The following USH2A variants were observed in gnomAD, a reference collection of about 807,000 sequenced individuals.
USH2A encodes usherin.
In USH2A, 443 loss-of-function variants were observed where a neutral mutation model predicts 538.9. That is an observed-to-expected ratio of 0.82 (90% CI 0.76 to 0.89). The LOEUF is 0.89. Among genes scored for constraint, USH2A ranks in the 40% least tolerant of loss-of-function variants. USH2A has a pLI of 0.00. For synonymous variants in USH2A, 2,413 were observed against 2,273.5 expected (o/e 1.06, Z -1.75); for missense variants, 6,633 against 6,324.8 (o/e 1.05, Z -1.65).
chr1:215,881,784 CTTCTT>C (rs1162327583), intron 41 of USH2A, among the ~76,000 whole-genome samples: 1 of 152,096 alleles, frequency 6.6e-6, no homozygotes, highest in African/African-American at 2.4e-5. Context: ...ATCACAATGA[CTTCTT>C]TTATTTGAGT....
Position 215,841,414 on chromosome 1 carries a change from C to T in USH2A, c.9258+2880G>A, listed in dbSNP as rs184724276. Among the ~76,000 whole-genome samples the T allele has an allele frequency of 2.1e-4, 32 of 152,124 alleles. No individual in the cohort carries two copies. In the East Asian group the frequency reaches 2.7e-3, roughly 13 times the overall value. On this transcript the variant is annotated intron_variant, in intron 46 of 71. Transcript: ENST00000307340. ...TGCACATTTACCACTATCTGATCTT[C>T]GACAAACCTGACAAAAACAAGCAGT...
At chr1:216,124,411 C>G (rs189421565) in intron 21 of USH2A, among the ~76,000 whole-genome samples, 137 of 151,318 alleles carry the variant, frequency 9.1e-4, no homozygotes, top group Middle Eastern at 3.4e-3. Context: ...AAGAGAATAA[C>G]TTTAAAGGAA....
intron 11 of USH2A, among the ~76,000 whole-genome samples, chr1:216,278,303 C>A (rs1015382356): frequency 3.3e-5 from 5 of 152,124 alleles, no homozygotes; most frequent in Admixed American, 6.6e-5. Context: ...ATCTCAGTTA[C>A]AACTCCATCT....
intron 21 of USH2A, among the ~76,000 whole-genome samples, chr1:216,150,998 G>A (rs949570988): frequency 5.9e-5 from 9 of 152,094 alleles, no homozygotes; most frequent in Non-Finnish European, 1.0e-4. Flanking sequence ...CACGTGCCCT[G>A]TATTTCACTC....
At position 215,782,723 on chromosome 1, in the gene USH2A, A is replaced by C. The variant is rs1661676735; in HGVS notation, c.10585+15T>G. 6.2e-7 allele frequency: 1 copy of C among 1,611,026 alleles called. No homozygotes were observed. Among genetic ancestry groups the C allele is most frequent in the Non-Finnish European group, 8.5e-7 (1 of 1,178,154 alleles). On this transcript the variant is annotated intron_variant, in intron 53 of 71. Coordinates refer to ENST00000307340, the MANE Select transcript of USH2A (RefSeq NM_206933.4). ...ATGGGATTTTGTTATTTGTATTTTA[A>C]AGGTATCTCAATACCATTTGATTGT...
intron 32 of USH2A, among the ~76,000 whole-genome samples, chr1:216,001,337 A>T (rs879391322): frequency 2.6e-5 from 4 of 152,146 alleles, no homozygotes; most frequent in Admixed American, 2.6e-4. Context: ...GAAACGAGCT[A>T]GGTCTGAAAG....
intron 55 of USH2A, among the ~76,000 whole-genome samples, chr1:215,778,062 T>G (rs1230348484): frequency 6.6e-6 from 1 of 151,842 alleles, no homozygotes; most frequent in East Asian, 1.9e-4. Flanking sequence ...TATCTTTTTT[T>G]TTTTTTTGAG....
In USH2A at chr1:216,247,202, A is replaced by T; in HGVS notation, c.2192T>A (p.Phe731Tyr). 3 of 1,613,996 alleles carry T rather than the reference A, an allele frequency of 1.9e-6. No homozygotes were observed. Among genetic ancestry groups the T allele is most frequent in the South Asian group, 1.1e-5 (1 of 91,078 alleles). The change falls in exon 13 of 72, where the codon TTT becomes TAT. Residue 731 changes from phenylalanine (F) to tyrosine (Y), a missense_variant. Phe to Tyr is a conservative substitution (Grantham distance 22, BLOSUM62 3). Transcript: ENST00000307340. ...VIGLRCDHCN[F>Y]GFKFLRSFND... is the part of the protein sequence containing the mutation. ...AAAGCTTCGGAGAAATTTAAATCCA[A>T]AATTGCAATGATCACACCTAAGCCC... is the stretch of plus-strand genomic sequence containing the variant.
chr1:216,046,743 G>A, intron 31 of USH2A, 151 bp from the exon 32 acceptor site: 1 of 904,030 alleles, frequency 1.1e-6, no homozygotes, highest in Non-Finnish European at 1.7e-6. Context: ...AATTGCTTTA[G>A]GAACAGTGTT....
intron 55 of USH2A, among the ~76,000 whole-genome samples, chr1:215,777,382 T>C (rs1304434800): frequency 6.6e-6 from 1 of 152,242 alleles, no homozygotes; most frequent in East Asian, 1.9e-4. Flanking sequence ...GTATAAATGC[T>C]GATTTCTAAA....
intron 44 of USH2A, among the ~76,000 whole-genome samples, chr1:215,862,931 T>C (rs375363183): frequency 4.6e-5 from 7 of 152,270 alleles, no homozygotes; most frequent in African/African-American, 1.7e-4. Context: ...CTGCATACAA[T>C]GTTGGCGGTT....
chr1:216,054,768 C>T (rs765921281), intron 30 of USH2A, among the ~76,000 whole-genome samples: 1 of 150,408 alleles, frequency 6.6e-6, no homozygotes, highest in African/African-American at 2.4e-5. Context: ...CTGTCATCTT[C>T]GAATCGCTTG....
intron 21 of USH2A, among the ~76,000 whole-genome samples, chr1:216,145,225 A>C (rs1018646226): frequency 6.6e-6 from 1 of 152,208 alleles, no homozygotes; most frequent in Admixed American, 6.5e-5. Flanking sequence ...TCCAATTCCA[A>C]ATTCTCATGC....
Position 215,889,039 on chromosome 1 carries a change from A to G in USH2A, c.7610T>C (p.Val2537Ala), listed in dbSNP as rs562661661. 2 of 1,613,864 alleles carry G rather than the reference A, an allele frequency of 1.2e-6. No individual in the cohort carries two copies. Among genetic ancestry groups the G allele is most frequent in the South Asian group, 1.1e-5 (1 of 91,090 alleles). The change falls in exon 41 of 72, where the codon GTT becomes GCT. Residue 2537 changes from valine (V) to alanine (A), a missense_variant. By Grantham distance (64) the Val-to-Ala change is moderately conservative. Transcript: ENST00000307340. The stretch of plus-strand genomic sequence containing the variant: ...CTTCACATCCAGAAGAATCGGAGGA[A>G]CTACAGGTCCAGGTTCTGTAAAGTA... Reference protein sequence around the residue: ...MTAEDKPGPVVPPILLDVKSR... With the variant: ...MTAEDKPGPVAPPILLDVKSR...
intron 21 of USH2A, among the ~76,000 whole-genome samples, chr1:216,168,100 AT>A (rs1460805479): frequency 6.6e-6 from 1 of 152,178 alleles, no homozygotes; most frequent in East Asian, 1.9e-4. Context: ...ACACAAAATA[AT>A]TCATCTTACT....
chr1:215,958,361 C>T (rs146209327), intron 37 of USH2A, among the ~76,000 whole-genome samples: 8 of 152,222 alleles, frequency 5.3e-5, no homozygotes, highest in African/African-American at 1.9e-4. Flanking sequence ...AGAAGGTAAG[C>T]CTATTCTGGG....
At chr1:216,235,394 C>T (rs1271011042) in intron 13 of USH2A, among the ~76,000 whole-genome samples, 3 of 152,106 alleles carry the variant, frequency 2.0e-5, no homozygotes, top group African/African-American at 4.8e-5. Context: ...CCTTGCATTA[C>T]GTAGTGCTGA....
At chr1:215,707,045 A>G (rs1659202663) in intron 61 of USH2A, among the ~76,000 whole-genome samples, 1 of 152,350 alleles carries the variant, frequency 6.6e-6, no homozygotes, top group Non-Finnish European at 1.5e-5. Context: ...ATTTAGGCAG[A>G]TCAAAGATTG....
intron 3 of USH2A, among the ~76,000 whole-genome samples, chr1:216,406,629 A>C (rs1376074789): frequency 1.3e-5 from 2 of 152,156 alleles, no homozygotes; most frequent in Admixed American, 1.3e-4. Context: ...GCATCTTGCC[A>C]CCTACCTTGT....
Sources: allele counts gnomAD v4.1 joint callset (sites outside exome capture counted in the v4.1 genomes callset), GRCh38; gene constraint gnomAD v4.1.1; transcripts MANE v1.5; gene names NCBI Gene and HGNC (gene_info 2026-07-23, HGNC 2026-07-21).